Variants in UGT1A10 observed in about 807,000 individuals in gnomAD.
UGT1A10 encodes the protein UDP glucuronosyltransferase family 1 member A10, also known as UDP-glucuronosyltransferase 1A10.
Under a neutral mutation model 45.8 loss-of-function variants are expected in UGT1A10, and 49 were observed. The ratio of observed to expected loss-of-function variants is 1.07; its 90% CI spans 0.85 to 1.36. UGT1A10 has a LOEUF of 1.36. Among genes scored for constraint, UGT1A10 ranks in the 40% most tolerant of loss-of-function variants. UGT1A10 has a pLI of 0.00. For missense variants in UGT1A10, 745 were observed against 668.6 expected, an observed-to-expected ratio of 1.11 and a Z score of -1.26; for synonymous variants, 284 against 249.7, an observed-to-expected ratio of 1.14 and a Z score of -1.29.
chr2:233,698,522 ATAAAG>A (rs1173933802), intron 1 of UGT1A10, among the ~76,000 whole-genome samples: 1 of 152,236 alleles, frequency 6.6e-6, no homozygotes, highest in Non-Finnish European at 1.5e-5. Context: ...TCGGCAATAC[ATAAAG>A]TAAACAGAAC....
At chr2:233,728,098 T>G (rs1183146949) in intron 1 of UGT1A10, among the ~76,000 whole-genome samples, 2 of 152,208 alleles carry the variant, frequency 1.3e-5, no homozygotes, top group East Asian at 3.9e-4. Context: ...GAAAGGCACA[T>G]ATTTAATTCT....
At chr2:233,732,276 G>C (rs1167500055) in intron 1 of UGT1A10, among the ~76,000 whole-genome samples, 35 of 152,142 alleles carry the variant, frequency 2.3e-4, no homozygotes, top group Non-Finnish European at 4.6e-4. Context: ...TTTTGCTGTG[G>C]AGAAGCTCTT....
intron 1 of UGT1A10, among the ~76,000 whole-genome samples, chr2:233,685,717 G>C (rs1163706529): frequency 3.9e-5 from 6 of 152,142 alleles, no homozygotes; most frequent in Non-Finnish European, 8.8e-5. Flanking sequence ...ATATCTTGCT[G>C]TACTGCTTCG....
chr2:233,741,316 A>C (rs1691627687), intron 1 of UGT1A10, among the ~76,000 whole-genome samples: 7 of 151,556 alleles, frequency 4.6e-5, no homozygotes, highest in Admixed American at 4.6e-4. Context: ...ACACCAACTC[A>C]TTCTACTCTA....
chr2:233,738,914 G>A (rs1053484676), intron 1 of UGT1A10: 2 of 152,216 alleles, frequency 1.3e-5, no homozygotes, highest in Non-Finnish European at 2.9e-5. Flanking sequence ...CCCATCACAG[G>A]CCTGGAGGCC....
intron 1 of UGT1A10, among the ~76,000 whole-genome samples, chr2:233,650,260 G>A (rs920239148): frequency 1.4e-4 from 21 of 152,174 alleles, no homozygotes; most frequent in Non-Finnish European, 2.8e-4. Context: ...GTGAGCCACC[G>A]TACCTGGCCA....
In UGT1A10 at chr2:233,698,217, GAATTA is replaced by G. The variant is rs370522111; in HGVS notation, c.855+60848_855+60852del. ...ATCAACATGCACTTTTAATTATTAG[GAATTA>G]AATTAAAGTGATCAAAATAGAATTT... On this transcript the variant is annotated intron_variant, in intron 1 of 4. Coordinates refer to ENST00000344644, the MANE Select transcript of UGT1A10 (RefSeq NM_019075.4). Among the ~76,000 whole-genome samples, 5 of 152,050 alleles carry G rather than the reference GAATTA, an allele frequency of 3.3e-5. No individual in the cohort carries two copies. The East Asian group carries it at 5.8e-4, about 18-fold the overall frequency.
Position 233,725,630 on chromosome 2 carries a change from A to G in UGT1A10, c.856-41404A>G, listed in dbSNP as rs544565548. ...TCTTGCTAAGTCTTCAAAATCTAGCATATATCTGACATTTACAGCATATCT... is the reference window on the plus strand; with the variant it reads ...TCTTGCTAAGTCTTCAAAATCTAGCGTATATCTGACATTTACAGCATATCT... On this transcript the variant is annotated intron_variant, in intron 1 of 4. Transcript: ENST00000344644. 6.6e-5 allele frequency among the ~76,000 whole-genome samples: 10 copies of G among 152,292 alleles called. No individual in the cohort carries two copies. The South Asian group carries it at 1.5e-3, about 22-fold the overall frequency.
At chr2:233,660,491 G>A (rs1113193) in intron 1 of UGT1A10, among the ~76,000 whole-genome samples, 43,429 of 152,038 alleles carry the variant, frequency 0.29, 6,696 homozygotes, top group African/African-American at 0.39. Flanking sequence ...GAGACAAAGC[G>A]TTGGTTTTCA....
At chr2:233,689,319 T>G (rs986837982) in intron 1 of UGT1A10, among the ~76,000 whole-genome samples, 1 of 152,210 alleles carries the variant, frequency 6.6e-6, no homozygotes, top group Non-Finnish European at 1.5e-5. Flanking sequence ...ACCAAACATC[T>G]ACACTGAGAT....
intron 1 of UGT1A10, among the ~76,000 whole-genome samples, chr2:233,689,411 C>T (rs1415837333): frequency 6.6e-6 from 1 of 152,188 alleles, no homozygotes; most frequent in Admixed American, 6.5e-5. Flanking sequence ...GACCCAATCT[C>T]TCTAATGGCT....
At chr2:233,747,254 C>A in intron 1 of UGT1A10, 1 of 1,600,766 alleles carries the variant, frequency 6.2e-7, no homozygotes, top group Admixed American at 1.7e-5. Flanking sequence ...TGGCTGGCCA[C>A]AGGAGTGCTA....
At chr2:233,679,888 C>G (rs920691751) in intron 1 of UGT1A10, among the ~76,000 whole-genome samples, 1 of 152,038 alleles carries the variant, frequency 6.6e-6, no homozygotes, top group African/African-American at 2.4e-5. Flanking sequence ...AATCCTACAC[C>G]CACATTAAAG....
intron 3 of UGT1A10, 70 bp from the exon 4 acceptor site, chr2:233,768,150 G>A: frequency 6.2e-7 from 1 of 1,611,942 alleles, no homozygotes; most frequent in Middle Eastern, 1.7e-4. Flanking sequence ...AGTGTTTTCA[G>A]AACCTAGATG....
intron 1 of UGT1A10, chr2:233,681,965 C>T: frequency 2.5e-6 from 4 of 1,614,102 alleles, no homozygotes; most frequent in Non-Finnish European, 3.4e-6. Flanking sequence ...GACTGGCCTC[C>T]TTCCCCTATA....
intron 1 of UGT1A10, among the ~76,000 whole-genome samples, chr2:233,667,259 C>T (rs957300648): frequency 6.6e-6 from 1 of 152,084 alleles, no homozygotes; most frequent in Non-Finnish European, 1.5e-5. Flanking sequence ...AGTTTACAGT[C>T]CCACAAAAAC....
chr2:233,688,285 A>G (rs1367032725), intron 1 of UGT1A10, among the ~76,000 whole-genome samples: 3 of 152,182 alleles, frequency 2.0e-5, no homozygotes, highest in Non-Finnish European at 2.9e-5. Flanking sequence ...GTATGGATTT[A>G]CCGCATTTTT....
At chr2:233,722,627 C>T (rs571426683) in intron 1 of UGT1A10, among the ~76,000 whole-genome samples, 9 of 152,238 alleles carry the variant, frequency 5.9e-5, no homozygotes, top group African/African-American at 2.2e-4. Flanking sequence ...CTTAATGAAG[C>T]ATTGAGGGCT....
chr2:233,718,792 A>C (rs766693959), intron 1 of UGT1A10: 2 of 1,613,154 alleles, frequency 1.2e-6, no homozygotes, highest in Non-Finnish European at 8.5e-7. Context: ...CGTGGGGTGG[A>C]CAGTCAGCTG....
Sources: gnomAD v4.1 joint callset for allele counts (sites outside exome capture counted in the v4.1 genomes callset) on GRCh38, gnomAD v4.1.1 for gene constraint, MANE v1.5 for transcripts, NCBI Gene and HGNC (gene_info 2026-07-23, HGNC 2026-07-21) for gene names.